Variants in KLHL7 observed in about 807,000 individuals in gnomAD.
KLHL7 encodes the protein kelch like family member 7.
Under a neutral mutation model 67.4 loss-of-function variants are expected in KLHL7, and 44 were observed. The ratio of observed to expected loss-of-function variants is 0.65; its 90% CI spans 0.51 to 0.84. The LOEUF (loss-of-function observed/expected upper bound fraction) is 0.84, where lower values mean the gene tolerates loss of function less well. Among genes scored for constraint, KLHL7 ranks in the 40% least tolerant of loss-of-function variants. The pLI is 0.00. For synonymous variants in KLHL7, 252 were observed against 243.3 expected (o/e 1.04, Z -0.33); for missense variants, 362 against 718.1 (o/e 0.50, Z 5.67).
chr7:23,162,011 C>A (rs560766895), intron 7 of KLHL7, among the ~76,000 whole-genome samples: 1 of 152,284 alleles, frequency 6.6e-6, no homozygotes, highest in Non-Finnish European at 1.5e-5. Flanking sequence ...TCCTGCTAAC[C>A]TCCTGATTTT....
chr7:23,124,800 T>A lies in KLHL7; in HGVS notation c.317+19T>A. 6.8e-7 allele frequency: 1 copy of A among 1,466,822 alleles called. No individual in the cohort carries two copies. Among genetic ancestry groups the A allele is most frequent in the Non-Finnish European group, 9.6e-7 (1 of 1,045,980 alleles). The allele number at this position is 1,466,822 out of a possible 1,614,324, so 90.9% of individuals were successfully genotyped here. A position where few individuals can be genotyped will look rare whatever the true frequency, so the allele number is the denominator to read the frequency against. Reference sequence around the variant, plus strand: ...CTGCTAGGTGAGTTAAGTATTATTTTTATTTTAGAGAAGTAATGTTGGTAT... The same window carrying A: ...CTGCTAGGTGAGTTAAGTATTATTTATATTTTAGAGAAGTAATGTTGGTAT... On this transcript the variant is annotated intron_variant, in intron 3 of 10. Coordinates refer to ENST00000339077, the MANE Select transcript of KLHL7 (RefSeq NM_001031710.3).
At chr7:23,169,704 C>T (rs939035125) in intron 9 of KLHL7, among the ~76,000 whole-genome samples, 7 of 152,066 alleles carry the variant, frequency 4.6e-5, no homozygotes, top group African/African-American at 1.7e-4. Context: ...AGGAGTTCTG[C>T]AGCTTCTGTA....
chr7:23,111,262 G>T (rs945237462), intron 1 of KLHL7, among the ~76,000 whole-genome samples: 1 of 152,114 alleles, frequency 6.6e-6, no homozygotes, highest in South Asian at 2.1e-4. Context: ...CAAGTAGAGG[G>T]AACAACATAT....
At chr7:23,148,252 TA>T (rs1461269863) in intron 6 of KLHL7, among the ~76,000 whole-genome samples, 3 of 152,188 alleles carry the variant, frequency 2.0e-5, no homozygotes, top group African/African-American at 7.2e-5. Flanking sequence ...GCCAAATGCA[TA>T]TTTTTTTTAA....
intron 1 of KLHL7, among the ~76,000 whole-genome samples, chr7:23,122,148 A>C (rs1783379470): frequency 6.6e-6 from 1 of 151,930 alleles, no homozygotes. Context: ...AAAGATCTAC[A>C]TTTCTTCAAC....
intron 4 of KLHL7, among the ~76,000 whole-genome samples, chr7:23,133,268 C>T (rs1783864263): frequency 6.6e-6 from 1 of 152,092 alleles, no homozygotes; most frequent in African/African-American, 2.4e-5. Flanking sequence ...TCTTCCAATC[C>T]ATAAACATGG....
intron 5 of KLHL7, among the ~76,000 whole-genome samples, chr7:23,142,146 A>G (rs1467141843): frequency 1.3e-5 from 2 of 151,612 alleles, no homozygotes; most frequent in African/African-American, 4.9e-5. Context: ...TGCCCACCTC[A>G]GCCTCCCAAA....
rs562679487 is a variant in KLHL7, at chr7:23,167,701, T to G, written c.1178-135T>G. 3 of 724,146 alleles carry G rather than the reference T, an allele frequency of 4.1e-6. No homozygotes were observed. The East Asian group carries it at 8.0e-5, about 19-fold the overall frequency. 44.9% of individuals were successfully genotyped at this position (724,146 alleles called of 1,614,324 possible). A position where few individuals can be genotyped will look rare whatever the true frequency, so the allele number is the denominator to read the frequency against. On this transcript the variant is annotated intron_variant, in intron 8 of 10. Coordinates refer to ENST00000339077, the MANE Select transcript of KLHL7 (RefSeq NM_001031710.3). ...TTCTTAAACTATTCCTACACTTTGT[T>G]GTTGTTGATTGAGTATGAAAATGGC...
chr7:23,165,695 C>T lies in KLHL7; in HGVS notation c.937-3C>T. ...GAAAGCTTCCCATCCTTTTCTGCTA[C>T]AGGATTATAGCTGGACAGACATCCG... On this transcript the variant is annotated splice_polypyrimidine_tract_variant and splice_region_variant and intron_variant, in intron 7 of 10. Transcript: ENST00000339077. The T allele has an allele frequency of 3.1e-6, 5 of 1,614,044 alleles. No individual in the cohort carries two copies. Among genetic ancestry groups the T allele is most frequent in the Non-Finnish European group, 4.2e-6 (5 of 1,179,946 alleles).
At position 23,167,754 on chromosome 7, in the gene KLHL7, A is replaced by C. The variant is rs1785044901; in HGVS notation, c.1178-82A>C. On this transcript the variant is annotated intron_variant, in intron 8 of 10. Coordinates refer to ENST00000339077, the MANE Select transcript of KLHL7 (RefSeq NM_001031710.3). ...TATGACCCTAAATTCTTCCTTCCTT[A>C]ACTAATAAGATCTACAGTCAGTTCT... is the stretch of plus-strand genomic sequence containing the variant. 6 of 1,258,278 alleles carry C rather than the reference A, an allele frequency of 4.8e-6. No homozygotes were observed. In the South Asian group the frequency reaches 6.1e-5, roughly 13 times the overall value. The allele number at this position is 1,258,278 out of a possible 1,614,324, so 77.9% of individuals were successfully genotyped here.
intron 3 of KLHL7, 76 bp downstream of exon 3, chr7:23,124,857 G>A: frequency 8.6e-7 from 1 of 1,159,478 alleles, no homozygotes. Flanking sequence ...GTAACAAATA[G>A]TTGCACTACA....
chr7:23,160,312 G>A (rs975072215), intron 7 of KLHL7, among the ~76,000 whole-genome samples: 12 of 152,216 alleles, frequency 7.9e-5, no homozygotes, highest in Non-Finnish European at 1.6e-4. Context: ...CAAAGGACAA[G>A]TACTGTTATC....
At chr7:23,156,028 A>C (rs1205266730) in intron 7 of KLHL7, 2 of 466,896 alleles carry the variant, frequency 4.3e-6, no homozygotes, top group African/African-American at 4.0e-5. Flanking sequence ...CGAGCCTGGA[A>C]GTGAGACTGT....
At chr7:23,163,168 C>A (rs1190068873) in intron 7 of KLHL7, among the ~76,000 whole-genome samples, 1 of 149,418 alleles carries the variant, frequency 6.7e-6, no homozygotes, top group Non-Finnish European at 1.5e-5. Context: ...AGCTTTTACT[C>A]TTTTTTTTTT....
At chr7:23,111,535 A>T (rs1338502521) in intron 1 of KLHL7, among the ~76,000 whole-genome samples, 3 of 152,058 alleles carry the variant, frequency 2.0e-5, no homozygotes, top group African/African-American at 7.2e-5. Flanking sequence ...AAAAAAGATG[A>T]CTTGGCCTGG....
chr7:23,152,791 C>T (rs1417045187), intron 7 of KLHL7, among the ~76,000 whole-genome samples: 1 of 152,042 alleles, frequency 6.6e-6, no homozygotes, highest in African/African-American at 2.4e-5. Flanking sequence ...TTACTTATAA[C>T]CTTAAGACGG....
In KLHL7 at chr7:23,141,914, C is replaced by A. The variant is rs1405895959; in HGVS notation, c.618+970C>A. Among the ~76,000 whole-genome samples the A allele has an allele frequency of 3.4e-5, 5 of 148,994 alleles. No individual in the cohort carries two copies. The Admixed American group carries it at 3.4e-4, about 10-fold the overall frequency. On this transcript the variant is annotated intron_variant, in intron 5 of 10. Transcript: ENST00000339077. ...CTGGGATTACAGGCGTGAGCCACCG[C>A]ACCCGGCCTTATTTATTTTTTTGAG...
chr7:23,124,230 GT>G (rs1562558731), intron 2 of KLHL7, among the ~76,000 whole-genome samples: 1 of 136,844 alleles, frequency 7.3e-6, no homozygotes, highest in East Asian at 2.1e-4. Flanking sequence ...AAAGCCCAGG[GT>G]TTTCTTTTTA....
chr7:23,106,258 C>A lies in KLHL7; in HGVS notation c.120+112C>A, dbSNP rs1782633308. The A allele has an allele frequency of 3.3e-6, 5 of 1,536,930 alleles. No homozygotes were observed. The South Asian group carries it at 6.0e-5, about 18-fold the overall frequency. ...GTGGATCGCGCCCCTCTTTCTCTGT[C>A]CTCGCCCCTCCTTCCGTTTTCGCAG... On this transcript the variant is annotated intron_variant, in intron 1 of 10. Coordinates refer to ENST00000339077, the MANE Select transcript of KLHL7 (RefSeq NM_001031710.3).
Sources: allele counts gnomAD v4.1 joint callset (sites outside exome capture counted in the v4.1 genomes callset), GRCh38; gene constraint gnomAD v4.1.1; transcripts MANE v1.5; gene names NCBI Gene and HGNC (gene_info 2026-07-23, HGNC 2026-07-21).